TMEM132D: variants seen among roughly 807,000 people sequenced by gnomAD.
The protein encoded by TMEM132D is transmembrane protein 132D.
TMEM132D carries 21 observed loss-of-function variants against 62.3 expected under a neutral mutation model. The observed-to-expected ratio is 0.34, with a 90% CI of 0.24 to 0.49. The LOEUF (loss-of-function observed/expected upper bound fraction) is 0.49, where lower values mean the gene tolerates loss of function less well. TMEM132D is among the 20% of genes least tolerant of loss of function. TMEM132D has a pLI of 0.99. For synonymous variants in TMEM132D, 621 were observed against 575.6 expected (o/e 1.08, Z -1.13); for missense variants, 1,346 against 1,402.8 (o/e 0.96, Z 0.65).
chr12:129,395,868 G>A (rs1871412652), intron 3 of TMEM132D, among the ~76,000 whole-genome samples: 1 of 120,058 alleles, frequency 8.3e-6, no homozygotes, highest in African/African-American at 3.0e-5. Context: ...TGTACATATG[G>A]CTATAAATAT....
At chr12:129,809,682 TTTG>T (rs1318215663) in intron 1 of TMEM132D, among the ~76,000 whole-genome samples, 1 of 152,216 alleles carries the variant, frequency 6.6e-6, no homozygotes, top group Non-Finnish European at 1.5e-5. Context: ...GATGTACATG[TTTG>T]TTTTTTTAAA....
intron 3 of TMEM132D, among the ~76,000 whole-genome samples, chr12:129,365,151 G>A (rs930206587): frequency 6.6e-6 from 1 of 152,130 alleles, no homozygotes; most frequent in African/African-American, 2.4e-5. Context: ...CAATTTAGTT[G>A]TCAGGTGTAG....
chr12:129,248,345 A>G (rs1880178012), intron 4 of TMEM132D, among the ~76,000 whole-genome samples: 1 of 152,216 alleles, frequency 6.6e-6, no homozygotes, highest in Non-Finnish European at 1.5e-5. Flanking sequence ...GTCTTAAAAT[A>G]GGGATGTCAT....
chr12:129,866,081 A>T (rs1368597653), intron 1 of TMEM132D, among the ~76,000 whole-genome samples: 2 of 152,182 alleles, frequency 1.3e-5, no homozygotes, highest in Admixed American at 6.5e-5. Context: ...CTGTATGCTT[A>T]TTCTCAAAAG....
chr12:129,089,436 C>A (rs1874820130), intron 5 of TMEM132D, among the ~76,000 whole-genome samples: 3 of 75,316 alleles, frequency 4.0e-5, no homozygotes, highest in African/African-American at 1.8e-4. Context: ...GGGGTGTCCT[C>A]CATGACCGGG....
At chr12:129,523,489 C>T (rs1299445091) in intron 3 of TMEM132D, among the ~76,000 whole-genome samples, 1 of 152,100 alleles carries the variant, frequency 6.6e-6, no homozygotes, top group Non-Finnish European at 1.5e-5. Flanking sequence ...GAGAAGCAGT[C>T]GGTATTTTAG....
At chr12:129,431,660 G>A (rs907107046) in intron 3 of TMEM132D, among the ~76,000 whole-genome samples, 7 of 152,140 alleles carry the variant, frequency 4.6e-5, no homozygotes, top group East Asian at 1.9e-4. Context: ...GCAATTTACC[G>A]TTCATGCAAC....
chr12:129,718,807 TG>T (rs1868693575), intron 1 of TMEM132D, among the ~76,000 whole-genome samples: 1 of 152,204 alleles, frequency 6.6e-6, no homozygotes, highest in Admixed American at 6.5e-5. Context: ...ATTTATAATA[TG>T]GGGATAACAA....
intron 5 of TMEM132D, among the ~76,000 whole-genome samples, chr12:129,174,285 G>A (rs999120163): frequency 1.3e-4 from 20 of 152,096 alleles, no homozygotes; most frequent in African/African-American, 3.6e-4. Context: ...GTGTCCATGC[G>A]TTCTCATTGT....
intron 3 of TMEM132D, among the ~76,000 whole-genome samples, chr12:129,462,987 C>G (rs1235751672): frequency 6.6e-6 from 1 of 152,140 alleles, no homozygotes; most frequent in Non-Finnish European, 1.5e-5. Flanking sequence ...ACAATAAACT[C>G]CAGAGATTTC....
chr12:129,672,701 G>A (rs1475716091), intron 2 of TMEM132D, among the ~76,000 whole-genome samples: 2 of 152,152 alleles, frequency 1.3e-5, no homozygotes, highest in Non-Finnish European at 2.9e-5. Flanking sequence ...CTACATATGT[G>A]CATATATGTA....
rs191143819 is a variant in TMEM132D at position 129,888,759 on chromosome 12, G to A, written c.79+14502C>T. On this transcript the variant is annotated intron_variant, in intron 1 of 8. Transcript: ENST00000422113. ...ACTGTTGCTGTCCTGTTAACCACCC[G>A]GTACCCACTACCTTCTCTTTGGTAA... is the stretch of plus-strand genomic sequence containing the variant. Among the ~76,000 whole-genome samples, 127 of 152,168 alleles carry A rather than the reference G, an allele frequency of 8.3e-4. 1 individual carries two copies. Among genetic ancestry groups the A allele is most frequent in the Admixed American group, 8.0e-3 (122 of 15,290 alleles).
chr12:129,601,278 G>A (rs1372985444), intron 2 of TMEM132D, among the ~76,000 whole-genome samples: 1 of 152,160 alleles, frequency 6.6e-6, no homozygotes, highest in Admixed American at 6.5e-5. Context: ...GAACTGAAAA[G>A]TTAGGCTCTT....
intron 1 of TMEM132D, among the ~76,000 whole-genome samples, chr12:129,792,911 A>G (rs1418139953): frequency 6.6e-6 from 1 of 152,194 alleles, no homozygotes; most frequent in African/African-American, 2.4e-5. Flanking sequence ...AATGCCACCC[A>G]TAATCCTACT....
In TMEM132D at chr12:129,361,107, G is replaced by C. The variant is rs537284891; in HGVS notation, c.1116-23290C>G. 1.2e-3 allele frequency among the ~76,000 whole-genome samples: 182 copies of C among 152,294 alleles called. 2 individuals carry two copies. Among genetic ancestry groups the C allele is most frequent in the Middle Eastern group, 3.4e-3 (1 of 294 alleles). On this transcript the variant is annotated intron_variant, in intron 3 of 8. Coordinates refer to ENST00000422113, the MANE Select transcript of TMEM132D (RefSeq NM_133448.3). ...ATGTCCACTGAGCAATTAATGGCTT[G>C]AAAACAGTGTTTGGAGTGTTGGGAA...
intron 4 of TMEM132D, among the ~76,000 whole-genome samples, chr12:129,235,624 C>T (rs1477938691): frequency 6.6e-6 from 1 of 152,020 alleles, no homozygotes; most frequent in African/African-American, 2.4e-5. Context: ...TTTAGTCGGC[C>T]TCATTTAGGA....
chr12:129,733,135 C>G lies in TMEM132D; in HGVS notation c.80-32437G>C, dbSNP rs75827418. Among the ~76,000 whole-genome samples, 1,015 of 152,198 alleles carry G rather than the reference C, an allele frequency of 6.7e-3. 12 individuals carry two copies. Among genetic ancestry groups the G allele is most frequent in the African/African-American group, 0.022 (897 of 41,522 alleles). On this transcript the variant is annotated intron_variant, in intron 1 of 8. Transcript: ENST00000422113. ...TGAGTTGTGTGCCTAGTGAATTTCT[C>G]GTCTAGTTTCATCCTACTGAATTAT...
At chr12:129,343,436 G>A (rs1485589647) in intron 3 of TMEM132D, among the ~76,000 whole-genome samples, 6 of 151,712 alleles carry the variant, frequency 4.0e-5, no homozygotes, top group Non-Finnish European at 4.4e-5. Context: ...TGGGGTGGGG[G>A]GATGGGGGAG....
At chr12:129,634,416 G>A (rs1016152017) in intron 2 of TMEM132D, among the ~76,000 whole-genome samples, 1 of 150,548 alleles carries the variant, frequency 6.6e-6, no homozygotes, top group African/African-American at 2.4e-5. Flanking sequence ...CGAGGCTGCA[G>A]TGAGCTGTGA....
Sources: allele counts gnomAD v4.1 joint callset (sites outside exome capture counted in the v4.1 genomes callset), GRCh38; gene constraint gnomAD v4.1.1; transcripts MANE v1.5; gene names NCBI Gene and HGNC (gene_info 2026-07-23, HGNC 2026-07-21).